Variants in SLC9B1 observed in about 807,000 individuals in gnomAD.
SLC9B1 encodes solute carrier family 9 member B1, also known as sodium/hydrogen exchanger 9B1.
Under a neutral mutation model 51.7 loss-of-function variants are expected in SLC9B1, and 32 were observed. That is an observed-to-expected ratio of 0.62 (90% CI 0.47 to 0.83). The LOEUF (loss-of-function observed/expected upper bound fraction) is 0.83, where lower values mean the gene tolerates loss of function less well. Among genes scored for constraint, SLC9B1 ranks in the 40% least tolerant of loss-of-function variants. SLC9B1 has a pLI of 0.00. For synonymous variants in SLC9B1, 145 were observed against 212.7 expected (o/e 0.68, Z 2.77); for missense variants, 406 against 613.2 (o/e 0.66, Z 3.57).
At chr4:102,970,548 G>C (rs1738703100) in intron 3 of SLC9B1, among the ~76,000 whole-genome samples, 1 of 152,118 alleles carries the variant, frequency 6.6e-6, no homozygotes, top group African/African-American at 2.4e-5. Context: ...AAATTATAAA[G>C]ACCATCGATC....
intron 3 of SLC9B1, among the ~76,000 whole-genome samples, chr4:102,987,175 T>C (rs185503877): frequency 1.2e-3 from 189 of 152,282 alleles, no homozygotes; most frequent in African/African-American, 4.4e-3. Flanking sequence ...CCTGTGCCTC[T>C]GAGCTGTGAA....
chr4:102,976,052 T>A (rs1464748030), intron 3 of SLC9B1, among the ~76,000 whole-genome samples: 2 of 151,992 alleles, frequency 1.3e-5, no homozygotes, highest in Non-Finnish European at 2.9e-5. Flanking sequence ...GAAGAAGCAG[T>A]GAGGGAAGAA....
chr4:102,958,831 G>A (rs1253193880), intron 3 of SLC9B1, among the ~76,000 whole-genome samples: 3 of 152,110 alleles, frequency 2.0e-5, no homozygotes, highest in Non-Finnish European at 4.4e-5. Flanking sequence ...GCTGAGGCAG[G>A]AGAATGGCGT....
At chr4:102,904,910 G>A (rs1036804324) in intron 11 of SLC9B1, among the ~76,000 whole-genome samples, 2 of 151,996 alleles carry the variant, frequency 1.3e-5, no homozygotes, top group South Asian at 2.1e-4. Flanking sequence ...CTTGAACCTG[G>A]GAGGTGGAGG....
intron 3 of SLC9B1, among the ~76,000 whole-genome samples, chr4:102,979,463 G>C (rs1409722362): frequency 6.6e-6 from 1 of 152,156 alleles, no homozygotes; most frequent in Non-Finnish European, 1.5e-5. Context: ...GTCTGCTCAT[G>C]ATAGTGTTTT....
At chr4:102,925,188 A>T (rs1237283594) in intron 7 of SLC9B1, among the ~76,000 whole-genome samples, 1 of 152,216 alleles carries the variant, frequency 6.6e-6, no homozygotes, top group Non-Finnish European at 1.5e-5. Context: ...GGATTAAGAA[A>T]ATGTGGCACA....
At chr4:102,917,026 C>G (rs571487526) in intron 7 of SLC9B1, among the ~76,000 whole-genome samples, 1 of 152,350 alleles carries the variant, frequency 6.6e-6, no homozygotes, top group Non-Finnish European at 1.5e-5. Context: ...GTGGCTAGAA[C>G]AAAAAGGCAG....
chr4:102,958,495 A>C (rs1737918818), intron 3 of SLC9B1, among the ~76,000 whole-genome samples: 1 of 152,186 alleles, frequency 6.6e-6, no homozygotes, highest in South Asian at 2.1e-4. Context: ...AAAAAATTTA[A>C]GCAAAATTAC....
At chr4:102,970,156 C>T (rs1259193106) in intron 3 of SLC9B1, among the ~76,000 whole-genome samples, 1 of 152,076 alleles carries the variant, frequency 6.6e-6, no homozygotes, top group Non-Finnish European at 1.5e-5. Flanking sequence ...AGATACTCCT[C>T]GAGAAGAGCA....
chr4:103,001,320 C>T lies in SLC9B1; in HGVS notation c.-1-9608G>A, dbSNP rs188324792. 3.5e-3 allele frequency among the ~76,000 whole-genome samples: 535 copies of T among 152,332 alleles called. 4 individuals carry two copies. The highest frequency in any genetic ancestry group is 0.014 in the Middle Eastern group (4 of 294). On this transcript the variant is annotated intron_variant, in intron 1 of 11. Transcript: ENST00000296422. ...TTTTCCCCATTCTCCTCATTACTTACGCAAATGTCTGCAGGCAGCTTGAAC... is the reference window on the plus strand; with the variant it reads ...TTTTCCCCATTCTCCTCATTACTTATGCAAATGTCTGCAGGCAGCTTGAAC...
chr4:103,016,425 T>G (rs768295576), intron 1 of SLC9B1, among the ~76,000 whole-genome samples: 1 of 152,098 alleles, frequency 6.6e-6, no homozygotes, highest in Admixed American at 6.5e-5. Context: ...TCTTGAGATG[T>G]CTATAGTACT....
chr4:103,010,604 C>G (rs892269196), intron 1 of SLC9B1, among the ~76,000 whole-genome samples: 7 of 152,202 alleles, frequency 4.6e-5, no homozygotes, highest in Non-Finnish European at 7.3e-5. Context: ...GATCAAAGTG[C>G]TGACAGATTT....
At chr4:102,980,294 A>G (rs1372507015) in intron 3 of SLC9B1, among the ~76,000 whole-genome samples, 1 of 152,214 alleles carries the variant, frequency 6.6e-6, no homozygotes, top group East Asian at 1.9e-4. Flanking sequence ...ACACATGCAC[A>G]TGGATGTTCA....
At chr4:102,964,407 T>G (rs1738313370) in intron 3 of SLC9B1, among the ~76,000 whole-genome samples, 1 of 152,026 alleles carries the variant, frequency 6.6e-6, no homozygotes, top group South Asian at 2.1e-4. Flanking sequence ...ATTAAGCAAA[T>G]AGATGAGGAA....
chr4:103,005,588 C>T (rs919286319), intron 1 of SLC9B1, among the ~76,000 whole-genome samples: 1 of 152,116 alleles, frequency 6.6e-6, no homozygotes, highest in Non-Finnish European at 1.5e-5. Flanking sequence ...GACCTGCACT[C>T]AACACTTGAT....
In SLC9B1 at chr4:102,885,281, C is replaced by T. The variant is rs1265453339; in HGVS notation, c.1380G>A (p.Thr460=). Reference sequence around the variant, plus strand: ...CGCACTTCTTGGCTACCTTGCAGTTCGTCCATTCCTCCCGAAGAAGAAACA... The same window carrying T: ...CGCACTTCTTGGCTACCTTGCAGTTTGTCCATTCCTCCCGAAGAAGAAACA... Residue 460 remains threonine, a synonymous_variant, in exon 12 of 12, where the codon ACG becomes ACA. Coordinates refer to the SLC9B1 transcript ENST00000394789. The T allele has an allele frequency of 2.5e-6, 4 of 1,614,056 alleles. No individual in the cohort carries two copies. The highest frequency in any genetic ancestry group is 3.4e-6 in the Non-Finnish European group (4 of 1,179,982).
intron 3 of SLC9B1, among the ~76,000 whole-genome samples, chr4:102,958,476 C>T (rs557134244): frequency 6.6e-6 from 1 of 152,142 alleles, no homozygotes; most frequent in Non-Finnish European, 1.5e-5. Context: ...GACTAATACA[C>T]CTGTCTCTAA....
intron 3 of SLC9B1, among the ~76,000 whole-genome samples, chr4:102,951,960 CTTTTTT>C (rs765709645): frequency 3.1e-4 from 2 of 6,554 alleles, no homozygotes; most frequent in South Asian, 6.0e-3. Flanking sequence ...AAAATAAAAT[CTTTTTT>C]TTTTTTTTTT....
intron 7 of SLC9B1, among the ~76,000 whole-genome samples, chr4:102,918,281 T>C (rs1450933573): frequency 1.3e-5 from 2 of 152,066 alleles, no homozygotes; most frequent in Non-Finnish European, 2.9e-5. Flanking sequence ...AATGATTATA[T>C]ACTGACAAGT....
Sources: allele counts gnomAD v4.1 joint callset (sites outside exome capture counted in the v4.1 genomes callset), GRCh38; gene constraint gnomAD v4.1.1; transcripts MANE v1.5; gene names NCBI Gene and HGNC (gene_info 2026-07-23, HGNC 2026-07-21).